Variants in SYNPO2 observed in about 807,000 individuals in gnomAD.
The protein encoded by SYNPO2 is synaptopodin 2, also known as synaptopodin-2.
In SYNPO2, 56 loss-of-function variants were observed where a neutral mutation model predicts 85.0. The ratio of observed to expected loss-of-function variants is 0.66; its 90% CI spans 0.53 to 0.82. The LOEUF (loss-of-function observed/expected upper bound fraction) is 0.82. Among genes scored for constraint, SYNPO2 ranks in the 40% least tolerant of loss-of-function variants. SYNPO2 has a pLI of 0.00. For synonymous variants in SYNPO2, 602 were observed against 591.1 expected, an observed-to-expected ratio of 1.02 and a Z score of -0.27; for missense variants, 1,575 against 1,534.2, an observed-to-expected ratio of 1.03 and a Z score of -0.44.
intron 1 of SYNPO2, among the ~76,000 whole-genome samples, chr4:118,934,419 A>G (rs1734032635): frequency 6.6e-6 from 1 of 152,186 alleles, no homozygotes; most frequent in Non-Finnish European, 1.5e-5. Context: ...GAGACTACAT[A>G]CTTCTCAATG....
chr4:118,961,981 T>C lies in SYNPO2; in HGVS notation c.106-61449T>C, dbSNP rs930458392. On this transcript the variant is annotated intron_variant, in intron 1 of 4. Transcript: ENST00000307142. Reference sequence around the variant, plus strand: ...CTTTGGGATGTTCAGCCCATCTTGTTGGTCAGAAAGATAAAATTTTTATCT... The same window carrying C: ...CTTTGGGATGTTCAGCCCATCTTGTCGGTCAGAAAGATAAAATTTTTATCT... Among the ~76,000 whole-genome samples the C allele has an allele frequency of 1.6e-4, 25 of 152,328 alleles. No homozygotes were observed. In the East Asian group the frequency reaches 4.6e-3, roughly 28 times the overall value.
upstream of SYNPO2, among the ~76,000 whole-genome samples, chr4:118,888,417 G>A (rs28465250): frequency 0.13 from 19,358 of 152,104 alleles, 1,351 homozygotes; most frequent in East Asian, 0.21. Context: ...AATGCAGACA[G>A]AAAAGTAGTA....
intron 1 of SYNPO2, among the ~76,000 whole-genome samples, chr4:118,923,952 A>G (rs1366739656): frequency 6.6e-6 from 1 of 151,878 alleles, no homozygotes; most frequent in East Asian, 1.9e-4. Context: ...TCTTGAATGA[A>G]TTGTTATTCT....
chr4:119,026,222 TTA>T (rs1171979896), intron 2 of SYNPO2, among the ~76,000 whole-genome samples: 1 of 152,228 alleles, frequency 6.6e-6, no homozygotes, highest in East Asian at 1.9e-4. Flanking sequence ...CTGGATATGT[TTA>T]TGTGACTTCA....
At chr4:118,885,913 A>G (rs1399953883), upstream of SYNPO2, among the ~76,000 whole-genome samples, 2 of 152,138 alleles carry the variant, frequency 1.3e-5, no homozygotes, top group African/African-American at 2.4e-5. Context: ...AAAAGTTCAA[A>G]CCCTGGCTCT....
intron 1 of SYNPO2, among the ~76,000 whole-genome samples, chr4:118,960,644 A>T (rs1735046419): frequency 6.6e-6 from 1 of 152,118 alleles, no homozygotes. Context: ...CCGCTTGAAT[A>T]TCTAATGGGC....
At chr4:118,921,252 G>A (rs1229304262) in intron 1 of SYNPO2, among the ~76,000 whole-genome samples, 1 of 152,014 alleles carries the variant, frequency 6.6e-6, no homozygotes, top group Non-Finnish European at 1.5e-5. Flanking sequence ...TATTCTGTAG[G>A]ATTTCATGGT....
At chr4:118,871,537 C>T (rs1330901594) in intron 1 of SYNPO2, among the ~76,000 whole-genome samples, 1 of 151,632 alleles carries the variant, frequency 6.6e-6, no homozygotes, top group East Asian at 1.9e-4. Flanking sequence ...TTCTATATCC[C>T]TTGTGCCTAG....
At chr4:118,949,128 G>A (rs1309382022) in intron 1 of SYNPO2, among the ~76,000 whole-genome samples, 1 of 152,140 alleles carries the variant, frequency 6.6e-6, no homozygotes, top group Non-Finnish European at 1.5e-5. Flanking sequence ...GTCCCCCCAG[G>A]AGCATGAAAG....
intron 1 of SYNPO2, among the ~76,000 whole-genome samples, chr4:118,956,645 G>A (rs1436774043): frequency 6.6e-6 from 1 of 152,096 alleles, no homozygotes; most frequent in East Asian, 1.9e-4. Context: ...GAGTTGGGGA[G>A]GTAAGTGTAA....
chr4:119,057,411 G>A lies in SYNPO2; in HGVS notation c.3263G>A (p.Arg1088His), dbSNP rs201227715. ...TTTCATTGTTTTTAGGAGAGTGGGC[G>A]CTCCCTTTCTCTTCCTGGAAGATCA... ...KSGVTIQESG[R>H]SLSLPGRSVP... The change falls in exon 5 of 5, where the codon CGC becomes CAC. Residue 1088 changes from arginine (R) to histidine (H), a missense_variant. Arg to His is a conservative substitution (Grantham distance 29). This residue lies in a region of SYNPO2 where 1,508 missense variants were observed against 1,446.8 expected (regional missense o/e 1.04). Coordinates refer to ENST00000307142, the MANE Select transcript of SYNPO2 (RefSeq NM_133477.3). 6.4e-5 allele frequency: 101 copies of A among 1,582,198 alleles called. No homozygotes were observed. Among genetic ancestry groups the A allele is most frequent in the Non-Finnish European group, 7.4e-5 (86 of 1,168,340 alleles).
intron 4 of SYNPO2, chr4:119,033,845 C>A (rs1738384899): frequency 1.2e-5 from 12 of 984,392 alleles, no homozygotes; most frequent in Non-Finnish European, 1.4e-5. Flanking sequence ...TTGTTGTTAG[C>A]ATATCTATTT....
intron 1 of SYNPO2, among the ~76,000 whole-genome samples, chr4:118,877,917 G>A (rs900392141): frequency 5.3e-5 from 8 of 152,140 alleles, no homozygotes; most frequent in African/African-American, 7.2e-5. Context: ...GTGAATGTTC[G>A]TTGCAGCACT....
intron 1 of SYNPO2, among the ~76,000 whole-genome samples, chr4:118,908,634 A>T (rs1178423444): frequency 6.6e-6 from 1 of 152,088 alleles, no homozygotes; most frequent in African/African-American, 2.4e-5. Context: ...TAAATCAAAT[A>T]AAAAAATCTA....
intron 1 of SYNPO2, among the ~76,000 whole-genome samples, chr4:118,962,128 C>T (rs937960990): frequency 3.3e-5 from 5 of 152,018 alleles, no homozygotes; most frequent in Non-Finnish European, 5.9e-5. Context: ...TTGAAGCATC[C>T]GCACAGCAGC....
At chr4:118,997,398 G>T (rs928412427) in intron 1 of SYNPO2, among the ~76,000 whole-genome samples, 2 of 152,084 alleles carry the variant, frequency 1.3e-5, no homozygotes, top group Admixed American at 6.5e-5. Context: ...TTTTGTCATT[G>T]TTCAAACAAT....
intron 1 of SYNPO2, among the ~76,000 whole-genome samples, chr4:118,923,665 A>G (rs751990712): frequency 1.3e-5 from 2 of 152,176 alleles, no homozygotes; most frequent in South Asian, 2.1e-4. Context: ...CAAACAAGAT[A>G]TTAGCTGACC....
intron 4 of SYNPO2, among the ~76,000 whole-genome samples, chr4:119,053,892 T>C (rs1276249003): frequency 1.3e-5 from 2 of 152,228 alleles, no homozygotes; most frequent in Non-Finnish European, 2.9e-5. Flanking sequence ...CACCTGTATA[T>C]ATGTTCAGGG....
chr4:119,012,483 A>G (rs1485139567), intron 1 of SYNPO2, among the ~76,000 whole-genome samples: 2 of 149,868 alleles, frequency 1.3e-5, no homozygotes, highest in Admixed American at 6.7e-5. Flanking sequence ...TGCACCTATC[A>G]ACCTGTCATC....
Sources: gnomAD v4.1 joint callset for allele counts (sites outside exome capture counted in the v4.1 genomes callset) on GRCh38, gnomAD v4.1.1 for gene constraint, gnomAD v4.1.1 regional missense constraint, MANE v1.5 for transcripts, NCBI Gene and HGNC (gene_info 2026-07-23, HGNC 2026-07-21) for gene names.